Variants in ZDHHC18 observed in about 807,000 individuals in gnomAD.
ZDHHC18 encodes the protein palmitoyltransferase ZDHHC18.
Under a neutral mutation model 37.5 loss-of-function variants are expected in ZDHHC18, and 23 were observed. The ratio of observed to expected loss-of-function variants is 0.61; its 90% confidence interval spans 0.44 to 0.87. The LOEUF (loss-of-function observed/expected upper bound fraction) is 0.87, where lower values mean the gene tolerates loss of function less well. Among genes scored for constraint, ZDHHC18 ranks in the 40% least tolerant of loss-of-function variants. The pLI is 0.00. For missense variants in ZDHHC18, 406 were observed against 525.6 expected (o/e 0.77, Z 2.22); for synonymous variants, 185 against 218.7 (o/e 0.85, Z 1.36).
chr1:26,829,261 G>A (rs1318774086), intron 1 of ZDHHC18, among the ~76,000 whole-genome samples: 1 of 152,116 alleles, frequency 6.6e-6, no homozygotes, highest in Non-Finnish European at 1.5e-5. Flanking sequence ...TTGGTGGATT[G>A]TTGCACAGGC....
chr1:26,828,758 TG>T (rs1458746529), intron 1 of ZDHHC18, among the ~76,000 whole-genome samples: 1 of 151,576 alleles, frequency 6.6e-6, no homozygotes, highest in Non-Finnish European at 1.5e-5. Flanking sequence ...GCAGAAGCTC[TG>T]GGGGGCCCAG....
intron 2 of ZDHHC18, among the ~76,000 whole-genome samples, chr1:26,840,963 C>T (rs996148517): frequency 2.7e-5 from 4 of 149,494 alleles, no homozygotes; most frequent in Non-Finnish European, 5.9e-5. Flanking sequence ...CAGGTTCATG[C>T]CACATACAGC....
chr1:26,840,357 A>G (rs922025171), intron 2 of ZDHHC18, among the ~76,000 whole-genome samples: 1 of 152,334 alleles, frequency 6.6e-6, no homozygotes, highest in Admixed American at 6.5e-5. Flanking sequence ...AGCCCTTGTC[A>G]AGCGTTAGCC....
intron 1 of ZDHHC18, among the ~76,000 whole-genome samples, chr1:26,829,845 A>G (rs1570664737): frequency 6.6e-6 from 1 of 152,196 alleles, no homozygotes; most frequent in Non-Finnish European, 1.5e-5. Flanking sequence ...GAGAGCTGTT[A>G]GCCTCTGGCA....
intron 7 of ZDHHC18, 52 bp from the exon 8 acceptor site, chr1:26,853,674 A>G (rs2081718476): frequency 2.6e-6 from 4 of 1,549,308 alleles, no homozygotes; most frequent in African/African-American, 2.7e-5. Flanking sequence ...CCCCTGGCCT[A>G]GAGCCTCAGT....
chr1:26,850,110 C>T lies in ZDHHC18; in HGVS notation c.647-191C>T, dbSNP rs372222877. On this transcript the variant is annotated intron_variant, in intron 3 of 7. Transcript: ENST00000374142. The surrounding 1 kb of genome is among the most constrained non-coding windows in gnomAD (Gnocchi z 6.1). Reference sequence around the variant, plus strand: ...AGTTCCAGTTAACCAGGTAAAGAGACGAGAGAATGTATCAGGCAGTGGGAA... The same window carrying T: ...AGTTCCAGTTAACCAGGTAAAGAGATGAGAGAATGTATCAGGCAGTGGGAA... Among the ~76,000 whole-genome samples, 31 of 152,234 alleles carry T rather than the reference C, an allele frequency of 2.0e-4. No homozygotes were observed. In the East Asian group the frequency reaches 2.5e-3, roughly 12 times the overall value.
At chr1:26,846,958 T>A (rs6686271) in intron 2 of ZDHHC18, among the ~76,000 whole-genome samples, 5 of 151,334 alleles carry the variant, frequency 3.3e-5, no homozygotes, top group Non-Finnish European at 5.9e-5. Flanking sequence ...TGCAGTGGCA[T>A]GATCTCGGCT....
chr1:26,836,558 T>C (rs2081612496), intron 2 of ZDHHC18, among the ~76,000 whole-genome samples: 4 of 151,116 alleles, frequency 2.6e-5, no homozygotes, highest in Non-Finnish European at 5.9e-5. Context: ...TCATTTCTTT[T>C]TTTTTCTTTT....
rs1297186918 is a variant in ZDHHC18 at position 26,826,729 on chromosome 1, C to A, written c.-76C>A. 3 of 747,452 alleles carry A rather than the reference C, an allele frequency of 4.0e-6. No individual in the cohort carries two copies. The African/African-American group carries it at 5.7e-5, about 14-fold the overall frequency. The allele number at this position is 747,452 out of a possible 1,614,324, so 46.3% of individuals were successfully genotyped here. On this transcript the variant is annotated 5_prime_UTR_variant, in exon 1 of 8. Transcript: ENST00000374142. This position sits in a 1 kb window ranked among gnomAD's most constrained non-coding sequence, Gnocchi z 5.2. ...AGCGCCGCGCGCGCCGCCGCTGCCA[C>A]CTCCGCTGCTCGGCCCGGTCCCGGA...
intron 1 of ZDHHC18, among the ~76,000 whole-genome samples, chr1:26,828,169 C>T (rs2081567696): frequency 6.6e-6 from 1 of 152,046 alleles, no homozygotes; most frequent in South Asian, 2.1e-4. Context: ...GCCACCTGCA[C>T]TGTGATTCCT....
rs1327415608 is a variant in ZDHHC18, at chr1:26,852,857, A to G, written c.1041A>G (p.Leu347=). ...TNCCAVLCGP[L]PPSLIDRRGF... ...GCTGTGCTGTGCTCTGTGGCCCCCTACCTCCCAGGTAAGTGAGCGGGGTGC... is the reference window on the plus strand; with the variant it reads ...GCTGTGCTGTGCTCTGTGGCCCCCTGCCTCCCAGGTAAGTGAGCGGGGTGC... Residue 347 remains leucine, a synonymous_variant, in exon 7 of 8, where the codon CTA becomes CTG. Transcript: ENST00000374142. 3.7e-6 allele frequency: 6 copies of G among 1,613,376 alleles called. No homozygotes were observed. The highest frequency in any genetic ancestry group is 3.3e-5 in the South Asian group (3 of 91,070).
At chr1:26,834,573 T>G (rs1294724928) in intron 2 of ZDHHC18, among the ~76,000 whole-genome samples, 2 of 152,186 alleles carry the variant, frequency 1.3e-5, no homozygotes, top group Non-Finnish European at 2.9e-5. Flanking sequence ...TCCTTCCTTC[T>G]CTGAACCTGT....
chr1:26,838,879 T>G (rs1203399814), intron 2 of ZDHHC18, among the ~76,000 whole-genome samples: 1 of 152,202 alleles, frequency 6.6e-6, no homozygotes, highest in African/African-American at 2.4e-5. Context: ...TGGACAGAAG[T>G]GGTCTGGGAG....
intron 2 of ZDHHC18, among the ~76,000 whole-genome samples, chr1:26,837,511 G>A (rs948072188): frequency 5.4e-5 from 8 of 147,562 alleles, no homozygotes; most frequent in African/African-American, 1.7e-4. Flanking sequence ...ACAGAGTCTC[G>A]CTCTGTCACC....
At position 26,835,333 on chromosome 1, in the gene ZDHHC18, G is replaced by A. The variant is rs181597388; in HGVS notation, c.496+2726G>A. On this transcript the variant is annotated intron_variant, in intron 2 of 7. Transcript: ENST00000374142. ...AAAGTGCAAAAGTGGCATTTTGGAG[G>A]CCTTTGAATTCTCAAACTTGAATAG... is the stretch of plus-strand genomic sequence containing the variant. Among the ~76,000 whole-genome samples, 737 of 152,330 alleles carry A rather than the reference G, an allele frequency of 4.8e-3. 4 individuals carry two copies. Among genetic ancestry groups the A allele is most frequent in the Non-Finnish European group, 7.6e-3 (516 of 68,040 alleles).
chr1:26,856,104 T>G lies in ZDHHC18; in HGVS notation c.*2261T>G, dbSNP rs2081732623. On this transcript the variant is annotated 3_prime_UTR_variant, in exon 8 of 8. Transcript: ENST00000374142. This position sits in a 1 kb window ranked among gnomAD's most constrained non-coding sequence, Gnocchi z 5.2. ...TCCAGTTTGAGAGCCGGAGCTTCCC[T>G]GGCTACCACCTCCAACCTGGGCACC... The G allele has an allele frequency of 2.4e-6, 1 of 416,406 alleles. No homozygotes were observed. The highest frequency in any genetic ancestry group is 5.1e-6 in the Non-Finnish European group (1 of 195,914). The allele number at this position is 416,406 out of a possible 1,614,324, so 25.8% of individuals were successfully genotyped here. A position where few individuals can be genotyped will look rare whatever the true frequency, so the allele number is the denominator to read the frequency against.
Position 26,850,154 on chromosome 1 carries a change from G to C in ZDHHC18, c.647-147G>C. 1 of 922,270 alleles carries C rather than the reference G, an allele frequency of 1.1e-6. No individual in the cohort carries two copies. The highest frequency in any genetic ancestry group is 1.6e-6 in the Non-Finnish European group (1 of 615,734). 57.1% of individuals were successfully genotyped at this position (922,270 alleles called of 1,614,324 possible). A position where few individuals can be genotyped will look rare whatever the true frequency, so the allele number is the denominator to read the frequency against. ...GTGGGAACTGGTACACAAAGGACCA[G>C]AGGCAGGTGTGTCCAAGGCCTGGGA... is the stretch of plus-strand genomic sequence containing the variant. On this transcript the variant is annotated intron_variant, in intron 3 of 7. Coordinates refer to ENST00000374142, the MANE Select transcript of ZDHHC18 (RefSeq NM_032283.3). The surrounding 1 kb of genome is among the most constrained non-coding windows in gnomAD (Gnocchi z 6.1).
At position 26,852,868 on chromosome 1, in the gene ZDHHC18, AAGTG is replaced by A; in HGVS notation, c.1049+6_1049+9del. The A allele has an allele frequency of 1.9e-6, 3 of 1,613,580 alleles. No individual in the cohort carries two copies. The highest frequency in any genetic ancestry group is 2.5e-6 in the Non-Finnish European group (3 of 1,179,654). ...CTCTGTGGCCCCCTACCTCCCAGGTAAGTGAGCGGGGTGCGGAAGAGGGGTAACA... is the reference window on the plus strand; with the variant it reads ...CTCTGTGGCCCCCTACCTCCCAGGTAAGCGGGGTGCGGAAGAGGGGTAACA... On this transcript the variant is annotated splice_donor_5th_base_variant and intron_variant, in intron 7 of 7. Transcript: ENST00000374142.
rs748376781 is a variant in ZDHHC18, at chr1:26,854,137, G to A, written c.*294G>A. 5.4e-6 allele frequency: 2 copies of A among 367,060 alleles called. No individual in the cohort carries two copies. Among genetic ancestry groups the A allele is most frequent in the East Asian group, 5.1e-5 (1 of 19,524 alleles). 22.7% of individuals were successfully genotyped at this position (367,060 alleles called of 1,614,324 possible). A position where few individuals can be genotyped will look rare whatever the true frequency, so the allele number is the denominator to read the frequency against. On this transcript the variant is annotated 3_prime_UTR_variant, in exon 8 of 8. Transcript: ENST00000374142. This position sits in a 1 kb window ranked among gnomAD's most constrained non-coding sequence, Gnocchi z 4.6. ...CACCAAGTCCTTGCCTGTGCCGGGC[G>A]AGCCCTGTGTGAGTGAGGCTGTGAA... is the stretch of plus-strand genomic sequence containing the variant.
Sources: gnomAD v4.1 joint callset for allele counts (sites outside exome capture counted in the v4.1 genomes callset) on GRCh38, gnomAD v4.1.1 for gene constraint, Gnocchi (gnomAD v3.1) non-coding constraint, MANE v1.5 for transcripts, NCBI Gene and HGNC (gene_info 2026-07-23, HGNC 2026-07-21) for gene names.